ORC4: variants seen among roughly 807,000 people sequenced by gnomAD.
ORC4 encodes the protein origin recognition complex subunit 4.
Under a neutral mutation model 63.9 loss-of-function variants are expected in ORC4, and 55 were observed. The observed-to-expected ratio is 0.86, with a 90% CI of 0.69 to 1.08. ORC4 has a LOEUF of 1.08. ORC4 is among the 50% of genes least tolerant of loss of function. The pLI is 0.00. For synonymous variants in ORC4, 150 were observed against 168.5 expected, an observed-to-expected ratio of 0.89 and a Z score of 0.85; for missense variants, 511 against 504.4, an observed-to-expected ratio of 1.01 and a Z score of -0.13.
chr2:147,991,221 T>C (rs1437289850), intron 1 of ORC4, among the ~76,000 whole-genome samples: 3 of 151,964 alleles, frequency 2.0e-5, no homozygotes, highest in South Asian at 2.1e-4. Flanking sequence ...CTAATTTTTG[T>C]ATTTTTAGTA....
intron 8 of ORC4, among the ~76,000 whole-genome samples, chr2:147,948,435 AC>A (rs1385740105): frequency 1.3e-5 from 2 of 152,012 alleles, no homozygotes; most frequent in African/African-American, 4.8e-5. Flanking sequence ...CCTTTTTCCC[AC>A]CATGTTACTC....
At position 147,935,374 on chromosome 2, in the gene ORC4, A is replaced by G. The variant is rs1189335932; in HGVS notation, c.*136T>C. The G allele has an allele frequency of 8.5e-6, 6 of 702,926 alleles. No homozygotes were observed. Among genetic ancestry groups the G allele is most frequent in the Non-Finnish European group, 1.3e-5 (5 of 393,906 alleles). The allele number at this position is 702,926 out of a possible 1,614,324, so 43.5% of individuals were successfully genotyped here. On this transcript the variant is annotated 3_prime_UTR_variant, in exon 14 of 14. Coordinates refer to ENST00000392857, the MANE Select transcript of ORC4 (RefSeq NM_181741.4). ...ATGATTAAAAGGCAAGACACAGCCA[A>G]GACAGTAGATGGGCAAGTCTCACAT...
At chr2:147,957,541 T>G (rs1487663901) in intron 6 of ORC4, among the ~76,000 whole-genome samples, 1 of 152,026 alleles carries the variant, frequency 6.6e-6, no homozygotes, top group African/African-American at 2.4e-5. Flanking sequence ...CCCTATATAT[T>G]AGGTGAAAGG....
rs912451002 is a variant in ORC4, at chr2:147,936,265, T to A, written c.1123-567A>T. ...ATGGAGGAGAAGGGACAGGCTCCTG[T>A]TTCCTCTAAGAAGTCTGACTGAGAC... On this transcript the variant is annotated intron_variant, in intron 13 of 13. Coordinates refer to ENST00000392857, the MANE Select transcript of ORC4 (RefSeq NM_181741.4). The A allele has an allele frequency of 1.9e-5, 3 of 154,646 alleles. No homozygotes were observed. In the East Asian group the frequency reaches 5.8e-4, roughly 30 times the overall value. 9.6% of individuals were successfully genotyped at this position (154,646 alleles called of 1,614,324 possible).
chr2:148,003,316 A>G (rs943965858), intron 1 of ORC4, among the ~76,000 whole-genome samples: 1 of 152,134 alleles, frequency 6.6e-6, no homozygotes, highest in Non-Finnish European at 1.5e-5. Context: ...CAAAAAAAGA[A>G]AATTCCAGGC....
chr2:147,976,093 C>T (rs925418940), intron 1 of ORC4, 118 bp from the exon 2 acceptor site: 5 of 669,022 alleles, frequency 7.5e-6, no homozygotes, highest in South Asian at 6.6e-5. Flanking sequence ...TGCTCAAACC[C>T]TAAGACCTTC....
intron 1 of ORC4, among the ~76,000 whole-genome samples, chr2:148,019,144 A>G (rs1693506419): frequency 6.6e-6 from 1 of 152,148 alleles, no homozygotes; most frequent in Non-Finnish European, 1.5e-5. Context: ...AAAGCACAGG[A>G]GTCTAGTTTT....
chr2:148,000,574 T>C (rs1435607524), intron 1 of ORC4, among the ~76,000 whole-genome samples: 1 of 151,940 alleles, frequency 6.6e-6, no homozygotes, highest in Non-Finnish European at 1.5e-5. Flanking sequence ...ACCAAGAGAA[T>C]ACACAAGCCA....
rs781142970 is a variant in ORC4, at chr2:147,972,777, C to T, written c.187G>A (p.Val63Ile). ...GATCCTCGGGGTCCGATAATAAGGA[C>T]AGAGTTACTCTCTCCATGGAGAGCA... is the stretch of plus-strand genomic sequence containing the variant. Reference protein sequence around the residue: ...RTALHGESNSVLIIGPRGSGK... With the variant: ...RTALHGESNSILIIGPRGSGK... The change falls in exon 4 of 14, where the codon GTC (valine) becomes ATC (isoleucine). Residue 63 changes from valine (V) to isoleucine (I), a missense_variant. Physicochemically the swap from Val to Ile is conservative, Grantham distance 29. Coordinates refer to ENST00000392857, the MANE Select transcript of ORC4 (RefSeq NM_181741.4). The T allele has an allele frequency of 1.2e-6, 2 of 1,611,956 alleles. No homozygotes were observed. Among genetic ancestry groups the T allele is most frequent in the South Asian group, 2.2e-5 (2 of 90,856 alleles).
chr2:147,931,782 A>G lies in ORC4; in HGVS notation c.*3728T>C, dbSNP rs1298819726. 6.6e-6 allele frequency: 1 copy of G among 151,984 alleles called. No individual in the cohort carries two copies. 9.4% of individuals were successfully genotyped at this position (151,984 alleles called of 1,614,324 possible). A position where few individuals can be genotyped will look rare whatever the true frequency, so the allele number is the denominator to read the frequency against. On this transcript the variant is annotated 3_prime_UTR_variant, in exon 14 of 14. Coordinates refer to ENST00000392857, the MANE Select transcript of ORC4 (RefSeq NM_181741.4). ...CCCTTCATGCTAAAAACTCTCAATA[A>G]ATTAGGGATTGATGGGGTGTATTTC...
At chr2:148,000,334 C>A (rs190466987) in intron 1 of ORC4, among the ~76,000 whole-genome samples, 127 of 152,122 alleles carry the variant, frequency 8.3e-4, no homozygotes, top group African/African-American at 3.0e-3. Context: ...AAAATGAGAT[C>A]GTATAATCTT....
intron 9 of ORC4, among the ~76,000 whole-genome samples, chr2:147,943,779 A>T (rs1010515382): frequency 2.0e-5 from 3 of 152,180 alleles, no homozygotes; most frequent in African/African-American, 7.2e-5. Context: ...CCAAATTCGT[A>T]CTTGAATAAG....
intron 1 of ORC4, among the ~76,000 whole-genome samples, chr2:148,019,784 T>C (rs1233111900): frequency 6.6e-6 from 1 of 152,176 alleles, no homozygotes. Context: ...CCAGCACTGT[T>C]TCACTATAAA....
At chr2:148,016,492 C>T (rs556074262) in intron 1 of ORC4, among the ~76,000 whole-genome samples, 6 of 152,332 alleles carry the variant, frequency 3.9e-5, no homozygotes, top group African/African-American at 1.4e-4. Flanking sequence ...CAACCGCACA[C>T]TGCACAACCA....
chr2:147,947,599 C>G (rs898934002), intron 9 of ORC4: 11 of 154,472 alleles, frequency 7.1e-5, no homozygotes, highest in African/African-American at 2.4e-4. Flanking sequence ...TCTGTACTGC[C>G]TCTTAAGGCC....
chr2:148,008,540 C>A (rs1377629642), intron 1 of ORC4, among the ~76,000 whole-genome samples: 1 of 152,118 alleles, frequency 6.6e-6, no homozygotes. Context: ...GTAAAGCAAC[C>A]TTTTTCGATT....
rs1322328264 is a variant in ORC4 at position 147,933,461 on chromosome 2, T to C, written c.*2049A>G. On this transcript the variant is annotated 3_prime_UTR_variant, in exon 14 of 14. Coordinates refer to ENST00000392857, the MANE Select transcript of ORC4 (RefSeq NM_181741.4). ...TTGTGTAACTTTTCCTAATGTATTT[T>C]TTTTTAATTTGCTTTATAACGGTTT... is the stretch of plus-strand genomic sequence containing the variant. The C allele has an allele frequency of 1.3e-5, 2 of 152,120 alleles. No homozygotes were observed. The highest frequency in any genetic ancestry group is 4.8e-5 in the African/African-American group (2 of 41,436). The allele number at this position is 152,120 out of a possible 1,614,324, so 9.4% of individuals were successfully genotyped here. A position where few individuals can be genotyped will look rare whatever the true frequency, so the allele number is the denominator to read the frequency against.
chr2:147,971,084 C>G (rs1690183253), intron 4 of ORC4, among the ~76,000 whole-genome samples: 1 of 152,006 alleles, frequency 6.6e-6, no homozygotes, highest in Non-Finnish European at 1.5e-5. Flanking sequence ...CTACAGTGAG[C>G]TGTGATCATG....
At chr2:147,938,468 A>G (rs1018575028) in intron 11 of ORC4, 75 bp from the exon 12 acceptor site, 5 of 869,924 alleles carry the variant, frequency 5.7e-6, no homozygotes, top group Admixed American at 1.7e-5. Flanking sequence ...AAAGAATACA[A>G]TATAGTGAAA....
Sources: allele counts gnomAD v4.1 joint callset (sites outside exome capture counted in the v4.1 genomes callset), GRCh38; gene constraint gnomAD v4.1.1; transcripts MANE v1.5; gene names NCBI Gene and HGNC (gene_info 2026-07-23, HGNC 2026-07-21).